Variants in ADM2 observed in about 807,000 individuals in gnomAD.
ADM2 encodes the protein protein ADM2.
ADM2 carries 5 observed loss-of-function variants against 7.1 expected under a neutral mutation model. The ratio of observed to expected loss-of-function variants is 0.71; its 90% CI spans 0.37 to 1.49. The LOEUF is 1.49. Among genes scored for constraint, ADM2 ranks in the 40% most tolerant of loss-of-function variants. The pLI is 0.03. For synonymous variants in ADM2, 123 were observed against 92.8 expected (o/e 1.33, Z -1.87); for missense variants, 236 against 211.2 (o/e 1.12, Z -0.73).
rs201015160 is a variant in ADM2 at position 50,482,593 on chromosome 22, G to A, written c.137G>A (p.Ser46Asn). 182 of 1,472,618 alleles carry A rather than the reference G, an allele frequency of 1.2e-4. No homozygotes were observed. In the African/African-American group the frequency reaches 2.3e-3, roughly 18 times the overall value. 91.2% of individuals were successfully genotyped at this position (1,472,618 alleles called of 1,614,324 possible). Reference protein sequence around the residue: ...PREPPARSPSSSLQPRHPAPR... With the variant: ...PREPPARSPSNSLQPRHPAPR... ...GAGCCCCCAGCCCGGAGCCCTTCCA[G>A]CAGCCTGCAGCCCAGGCACCCCGCA... is the stretch of plus-strand genomic sequence containing the variant. The change falls in exon 3 of 3, where the codon AGC becomes AAC. Residue 46 changes from serine (S) to asparagine (N), a missense_variant. Physicochemically the swap from Ser to Asn is conservative, Grantham distance 46. Coordinates refer to ENST00000395737, the MANE Select transcript of ADM2 (RefSeq NM_001253845.2).
At position 50,482,573 on chromosome 22, in the gene ADM2, C is replaced by A. The variant is rs2068208969; in HGVS notation, c.117C>A (p.Pro39=). ...TCTCCATCTGCCTCTGCAGGGAGCC[C>A]CCAGCCCGGAGCCCTTCCAGCAGCC... ...GDPRPVKPRE[P]PARSPSSSLQ... is the part of the protein sequence containing the mutation. Residue 39 remains proline (P), a synonymous_variant, in exon 3 of 3, where the codon CCC becomes CCA. Coordinates refer to ENST00000395737, the MANE Select transcript of ADM2 (RefSeq NM_001253845.2). 2 of 1,459,340 alleles carry A rather than the reference C, an allele frequency of 1.4e-6. No homozygotes were observed. Among genetic ancestry groups the A allele is most frequent in the Non-Finnish European group, 1.8e-6 (2 of 1,103,878 alleles). The allele number at this position is 1,459,340 out of a possible 1,614,324, so 90.4% of individuals were successfully genotyped here.
Position 50,482,672 on chromosome 22 carries a change from C to T in ADM2, c.216C>T (p.Ala72=), listed in dbSNP as rs778528763. The T allele has an allele frequency of 2.1e-5, 33 of 1,587,378 alleles. No individual in the cohort carries two copies. The highest frequency in any genetic ancestry group is 5.7e-5 in the South Asian group (5 of 88,442). Residue 72 remains alanine, a synonymous_variant, in exon 3 of 3, where the codon GCC becomes GCT. Transcript: ENST00000395737. ...GGGCCCTCCAGGCACAGAGGGGTGC[C>T]GGCCTGGCCCCTGTTATGGGTCAGC... ...LHRALQAQRG[A]GLAPVMGQPL... is the part of the protein sequence containing the mutation.
Position 50,482,756 on chromosome 22 carries a change from G to A in ADM2, c.300G>A (p.Arg100=), listed in dbSNP as rs1211142031. The change falls in exon 3 of 3, where the codon AGG becomes AGA. Residue 100 remains arginine, a synonymous_variant. Transcript: ENST00000395737. ...CCCGAAGACACTCGGGCCCCCGCAG[G>A]ACCCAAGCCCAGCTCCTGCGAGTGG... is the stretch of plus-strand genomic sequence containing the variant. The part of the protein sequence containing the change: ...SGPRRHSGPR[R]TQAQLLRVGC... The A allele has an allele frequency of 6.2e-7, 1 of 1,606,854 alleles. No homozygotes were observed. Among genetic ancestry groups the A allele is most frequent in the South Asian group, 1.1e-5 (1 of 90,752 alleles).
In ADM2 at chr22:50,484,788, T is replaced by C. The variant is rs761745; in HGVS notation, c.*1885T>C. ...GGAGGCCGCCTGCTGTAACCCTCCGTGTCGCCTCGGGTGCGAAATCAGACC... is the reference window on the plus strand; with the variant it reads ...GGAGGCCGCCTGCTGTAACCCTCCGCGTCGCCTCGGGTGCGAAATCAGACC... On this transcript the variant is annotated 3_prime_UTR_variant, in exon 3 of 3. Transcript: ENST00000395737. 108,852 of 152,026 alleles carry C rather than the reference T, an allele frequency of 0.72. 39,547 individuals carry two copies. Among genetic ancestry groups the C allele is most frequent in the East Asian group, 0.91 (4,713 of 5,168 alleles). The allele number at this position is 152,026 out of a possible 1,614,324, so 9.4% of individuals were successfully genotyped here. A position where few individuals can be genotyped will look rare whatever the true frequency, so the allele number is the denominator to read the frequency against.
rs2068258917 is a variant in ADM2 at position 50,485,747 on chromosome 22, AGCTGTGCCAG to A, written c.*2846_*2855del. The A allele has an allele frequency of 1.3e-5, 2 of 152,474 alleles. No individual in the cohort carries two copies. The highest frequency in any genetic ancestry group is 4.8e-5 in the African/African-American group (2 of 41,432). The allele number at this position is 152,474 out of a possible 1,614,324, so 9.4% of individuals were successfully genotyped here. On this transcript the variant is annotated 3_prime_UTR_variant, in exon 3 of 3. Coordinates refer to ENST00000395737, the MANE Select transcript of ADM2 (RefSeq NM_001253845.2). ...TCTCCTCACAGTTGCTTCTCAGCTCAGCTGTGCCAGGATCTTGTTGAGTCAGGTCAGCTGC... is the reference window on the plus strand; with the variant it reads ...TCTCCTCACAGTTGCTTCTCAGCTCAGATCTTGTTGAGTCAGGTCAGCTGC...
intron 2 of ADM2, among the ~76,000 whole-genome samples, chr22:50,482,319 C>T (rs998763460): frequency 2.6e-5 from 4 of 152,272 alleles, no homozygotes; most frequent in Admixed American, 6.5e-5. Flanking sequence ...GAGGCTGGGC[C>T]GCCGGGGTGC....
Position 50,481,831 on chromosome 22 carries a change from C to A in ADM2, c.-11-6C>A, listed in dbSNP as rs2068198757. 2 of 1,487,936 alleles carry A rather than the reference C, an allele frequency of 1.3e-6. No individual in the cohort carries two copies. The highest frequency in any genetic ancestry group is 2.2e-5 in the Admixed American group (1 of 44,784). The allele number at this position is 1,487,936 out of a possible 1,614,324, so 92.2% of individuals were successfully genotyped here. On this transcript the variant is annotated splice_polypyrimidine_tract_variant and splice_region_variant and intron_variant, in intron 1 of 2. Transcript: ENST00000395737. ...CGTGCCCGGCTCACCGCCCCCTCCC[C>A]TGCAGCCCCGCCCGCCATGGCCCGG...
intron 2 of ADM2, among the ~76,000 whole-genome samples, 189 bp downstream of exon 2, chr22:50,482,146 C>T (rs1556445510): frequency 6.6e-6 from 1 of 152,208 alleles, no homozygotes; most frequent in Non-Finnish European, 1.5e-5. Context: ...TGCCTCCCTA[C>T]ACAGGGCAGT....
Position 50,483,032 on chromosome 22 carries a change from C to T in ADM2, c.*129C>T, listed in dbSNP as rs2068218025. ...ACAGCAGGTCCTGCAGCAACAATAC[C>T]TGCACGGCTTTGCACACGTAAACCT... On this transcript the variant is annotated 3_prime_UTR_variant, in exon 3 of 3. Transcript: ENST00000395737. 1 of 1,440,960 alleles carries T rather than the reference C, an allele frequency of 6.9e-7. No homozygotes were observed. The highest frequency in any genetic ancestry group is 9.4e-7 in the Non-Finnish European group (1 of 1,060,608). The allele number at this position is 1,440,960 out of a possible 1,614,324, so 89.3% of individuals were successfully genotyped here.
In ADM2 at chr22:50,481,922, C is replaced by A. The variant is rs568078968; in HGVS notation, c.75C>A (p.Arg25=). ...TGCAGCTCCCTGGCTCGCTGTCCCG[C>A]AGCCTGGGCGGGGACCCGCGACCCG... ...LCLQLPGSLS[R]SLGGDPRPVK... The change falls in exon 2 of 3, where the codon CGC becomes CGA. Residue 25 remains arginine (R), a synonymous_variant. Coordinates refer to ENST00000395737, the MANE Select transcript of ADM2 (RefSeq NM_001253845.2). 71 of 1,537,252 alleles carry A rather than the reference C, an allele frequency of 4.6e-5. 1 individual carries two copies. The African/African-American group carries it at 7.3e-4, about 16-fold the overall frequency.
Position 50,483,456 on chromosome 22 carries a change from G to A in ADM2, c.*553G>A, listed in dbSNP as rs1431427438. 1 of 354,408 alleles carries A rather than the reference G, an allele frequency of 2.8e-6. No homozygotes were observed. Among genetic ancestry groups the A allele is most frequent in the African/African-American group, 2.1e-5 (1 of 46,760 alleles). The allele number at this position is 354,408 out of a possible 1,614,324, so 22.0% of individuals were successfully genotyped here. ...TGGTGGCCCTCCAGAGGTCATGAAG[G>A]GACCTCTGTGGCTCCAGCTGCCAAC... On this transcript the variant is annotated 3_prime_UTR_variant, in exon 3 of 3. Coordinates refer to ENST00000395737, the MANE Select transcript of ADM2 (RefSeq NM_001253845.2).
At position 50,481,608 on chromosome 22, in the gene ADM2, C is replaced by G. The variant is rs958815388; in HGVS notation, c.-167C>G. 22 of 250,212 alleles carry G rather than the reference C, an allele frequency of 8.8e-5. No individual in the cohort carries two copies. In the South Asian group the frequency reaches 1.5e-3, roughly 18 times the overall value. 15.5% of individuals were successfully genotyped at this position (250,212 alleles called of 1,614,324 possible). A position where few individuals can be genotyped will look rare whatever the true frequency, so the allele number is the denominator to read the frequency against. On this transcript the variant is annotated 5_prime_UTR_variant, in exon 1 of 3. Transcript: ENST00000395737. Reference sequence around the variant, plus strand: ...CCGCGACTCCGCTCCAGGCAGGACCCCCAACCCGCCCAGCCCGCTCCGCCT... The same window carrying G: ...CCGCGACTCCGCTCCAGGCAGGACCGCCAACCCGCCCAGCCCGCTCCGCCT...
intron 2 of ADM2, 59 bp downstream of exon 2, chr22:50,482,016 G>GGGGGCCGC (rs2068201926): frequency 6.2e-6 from 9 of 1,441,480 alleles, no homozygotes; most frequent in East Asian, 2.8e-5. Flanking sequence ...GCAGAGTGCC[G>GGGGGCCGC]GGGGCCGCGG....
Position 50,482,762 on chromosome 22 carries a change from A to G in ADM2, c.306A>G (p.Gln102=), listed in dbSNP as rs1020085428. ...GACACTCGGGCCCCCGCAGGACCCA[A>G]GCCCAGCTCCTGCGAGTGGGCTGTG... ...PRRHSGPRRT[Q]AQLLRVGCVL... Residue 102 remains glutamine (Q), a synonymous_variant, in exon 3 of 3, where the codon CAA becomes CAG. Coordinates refer to ENST00000395737, the MANE Select transcript of ADM2 (RefSeq NM_001253845.2). 6.2e-7 allele frequency: 1 copy of G among 1,607,704 alleles called. No individual in the cohort carries two copies. Among genetic ancestry groups the G allele is most frequent in the African/African-American group, 1.3e-5 (1 of 75,004 alleles).
In ADM2 at chr22:50,482,748, C is replaced by A; in HGVS notation, c.292C>A (p.Pro98Thr). Residue 98 changes from proline to threonine, a missense_variant, in exon 3 of 3, where the codon CCC becomes ACC. Physicochemically the swap from Pro to Thr is conservative, Grantham distance 38. Coordinates refer to ENST00000395737, the MANE Select transcript of ADM2 (RefSeq NM_001253845.2). ...QHSGPRRHSG[P>T]RRTQAQLLRV... Reference sequence around the variant, plus strand: ...CTCGGGCCCCCGAAGACACTCGGGCCCCCGCAGGACCCAAGCCCAGCTCCT... The same window carrying A: ...CTCGGGCCCCCGAAGACACTCGGGCACCCGCAGGACCCAAGCCCAGCTCCT... The A allele has an allele frequency of 6.2e-7, 1 of 1,604,782 alleles. No homozygotes were observed. Among genetic ancestry groups the A allele is most frequent in the Non-Finnish European group, 8.5e-7 (1 of 1,176,124 alleles).
At position 50,481,825 on chromosome 22, in the gene ADM2, C is replaced by T; in HGVS notation, c.-11-12C>T. On this transcript the variant is annotated splice_polypyrimidine_tract_variant and intron_variant, in intron 1 of 2. Transcript: ENST00000395737. ...CCCCGACGTGCCCGGCTCACCGCCC[C>T]CTCCCCTGCAGCCCCGCCCGCCATG... 2.0e-6 allele frequency: 3 copies of T among 1,467,382 alleles called. No individual in the cohort carries two copies. The highest frequency in any genetic ancestry group is 1.3e-5 in the South Asian group (1 of 78,100). The allele number at this position is 1,467,382 out of a possible 1,614,324, so 90.9% of individuals were successfully genotyped here.
rs777249467 is a variant in ADM2, at chr22:50,483,292, G to A, written c.*389G>A. On this transcript the variant is annotated 3_prime_UTR_variant, in exon 3 of 3. Transcript: ENST00000395737. ...GGCCAGAAGTGGCCCCTCCGCTGCT[G>A]GTCCAGTCAGACTGAAGCCCGGCCT... 1 of 478,712 alleles carries A rather than the reference G, an allele frequency of 2.1e-6. No individual in the cohort carries two copies. Among genetic ancestry groups the A allele is most frequent in the South Asian group, 1.5e-5 (1 of 64,704 alleles). 29.7% of individuals were successfully genotyped at this position (478,712 alleles called of 1,614,324 possible). A position where few individuals can be genotyped will look rare whatever the true frequency, so the allele number is the denominator to read the frequency against.
chr22:50,481,955 C>G lies in ADM2; in HGVS notation c.108C>G (p.Pro36=), dbSNP rs1402979599. Residue 36 remains proline, a splice_region_variant and synonymous_variant, in exon 2 of 3, where the codon CCC becomes CCG. Transcript: ENST00000395737. ...GCGGGGACCCGCGACCCGTCAAACCCAGGTGAGTCCAGGTCTTGGGCCAGC... is the reference window on the plus strand; with the variant it reads ...GCGGGGACCCGCGACCCGTCAAACCGAGGTGAGTCCAGGTCTTGGGCCAGC... ...SLGGDPRPVK[P]REPPARSPSS... The G allele has an allele frequency of 6.5e-7, 1 of 1,535,140 alleles. No homozygotes were observed. The highest frequency in any genetic ancestry group is 2.0e-5 in the Admixed American group (1 of 50,536).
chr22:50,482,809 AG>A lies in ADM2; in HGVS notation c.354del (p.Asn119IlefsTer198). 1.2e-6 allele frequency: 2 copies of A among 1,608,454 alleles called. No homozygotes were observed. Among genetic ancestry groups the A allele is most frequent in the Non-Finnish European group, 1.7e-6 (2 of 1,179,354 alleles). On this transcript the variant is annotated frameshift_variant, in exon 3 of 3. Transcript: ENST00000395737. LOFTEE classifies it high-confidence loss of function. ...VGCVLGTCQV[Q>X]NLSHRLWQLM... The stretch of plus-strand genomic sequence containing the variant: ...TGTGTGCTGGGCACCTGCCAGGTGC[AG>A]AATCTCAGCCACCGCCTGTGGCAAC...
Sources: gnomAD v4.1 joint callset for allele counts (sites outside exome capture counted in the v4.1 genomes callset) on GRCh38, gnomAD v4.1.1 for gene constraint, MANE v1.5 for transcripts, NCBI Gene and HGNC (gene_info 2026-07-23, HGNC 2026-07-21) for gene names.